The following FHOD3 variants were observed in gnomAD, a reference collection of about 807,000 sequenced individuals.
The protein encoded by FHOD3 is FH1/FH2 domain-containing protein 3.
Under a neutral mutation model 173.0 loss-of-function variants are expected in FHOD3, and 90 were observed. The ratio of observed to expected loss-of-function variants is 0.52; its 90% confidence interval spans 0.44 to 0.62. FHOD3 has a LOEUF of 0.62. FHOD3 is among the 20% of genes least tolerant of loss of function. The pLI is 0.00. For missense variants in FHOD3, 1,945 were observed against 2,034.7 expected (o/e 0.96, Z 0.85); for synonymous variants, 828 against 823.0 (o/e 1.01, Z -0.10).
Position 36,304,997 on chromosome 18 carries a change from G to A in FHOD3, c.165+6997G>A, listed in dbSNP as rs2092053798. On this transcript the variant is annotated intron_variant, in intron 1 of 28. Transcript: ENST00000590592. Reference sequence around the variant, plus strand: ...TCAGTTTACAGTGAATGGCAGTGATGCTTTAATGTACATGAAAATGTAAGT... The same window carrying A: ...TCAGTTTACAGTGAATGGCAGTGATACTTTAATGTACATGAAAATGTAAGT... Among the ~76,000 whole-genome samples, 3 of 152,270 alleles carry A rather than the reference G, an allele frequency of 2.0e-5. No homozygotes were observed. In the South Asian group the frequency reaches 6.2e-4, roughly 32 times the overall value.
intron 2 of FHOD3, among the ~76,000 whole-genome samples, chr18:36,357,378 G>A (rs1054297628): frequency 2.6e-5 from 4 of 152,158 alleles, no homozygotes; most frequent in African/African-American, 9.7e-5. Context: ...GGCACTTAGC[G>A]AATACTAGTG....
Position 36,649,371 on chromosome 18 carries a change from A to G in FHOD3, c.1252A>G (p.Arg418Gly). The G allele has an allele frequency of 1.3e-6, 2 of 1,535,686 alleles. No individual in the cohort carries two copies. Among genetic ancestry groups the G allele is most frequent in the Non-Finnish European group, 1.7e-6 (2 of 1,146,710 alleles). The change falls in exon 11 of 29, where the codon AGA (arginine) becomes GGA (glycine). Residue 418 changes from arginine (R) to glycine (G), a missense_variant. Coordinates refer to ENST00000590592, the MANE Select transcript of FHOD3 (RefSeq NM_001281740.3). ...CACGGAGCCCAGTTCCGAAGAAGAGAGAGAGGATGATGCTTCCTGTCAGGG... is the reference window on the plus strand; with the variant it reads ...CACGGAGCCCAGTTCCGAAGAAGAGGGAGAGGATGATGCTTCCTGTCAGGG... ...PITEPSSEEE[R>G]EDDASCQGKD...
In FHOD3 at chr18:36,471,658, T is replaced by G. The variant is rs73421048; in HGVS notation, c.338-30274T>G. Among the ~76,000 whole-genome samples, 375 of 152,304 alleles carry G rather than the reference T, an allele frequency of 2.5e-3. 2 individuals are homozygous for G. The highest frequency in any genetic ancestry group is 8.7e-3 in the African/African-American group (360 of 41,564). ...GAGGTTTTGGTGTAGGAAATTAGAA[T>G]CACCAGGGCAAAGACAGTAAAAGAG... On this transcript the variant is annotated intron_variant, in intron 3 of 28. Transcript: ENST00000590592.
At chr18:36,306,847 T>A (rs1474875374) in intron 1 of FHOD3, among the ~76,000 whole-genome samples, 1 of 152,168 alleles carries the variant, frequency 6.6e-6, no homozygotes, top group Non-Finnish European at 1.5e-5. Flanking sequence ...TCCCAGCCAT[T>A]TCCTTGCAGA....
rs148512795 is a variant in FHOD3 at position 36,700,919 on chromosome 18, C to T, written c.2236+7496C>T. 5.8e-4 allele frequency among the ~76,000 whole-genome samples: 88 copies of T among 152,356 alleles called. 1 individual carries two copies. Among genetic ancestry groups the T allele is most frequent in the African/African-American group, 1.9e-3 (78 of 41,570 alleles). ...ACTCTTCATCGAGCTGAGGCATCTT[C>T]TCTTCTCTAAAGCCGCCCTTGATCC... On this transcript the variant is annotated intron_variant, in intron 17 of 28. Coordinates refer to ENST00000590592, the MANE Select transcript of FHOD3 (RefSeq NM_001281740.3).
chr18:36,643,167 T>C (rs557216627), intron 10 of FHOD3, among the ~76,000 whole-genome samples: 1 of 152,300 alleles, frequency 6.6e-6, no homozygotes, highest in Admixed American at 6.5e-5. Flanking sequence ...TTTCCAGCTT[T>C]TGACAATTAC....
intron 3 of FHOD3, among the ~76,000 whole-genome samples, chr18:36,486,430 A>G (rs542922871): frequency 8.6e-4 from 131 of 152,290 alleles, no homozygotes; most frequent in Non-Finnish European, 1.6e-3. Flanking sequence ...TAGCACGATT[A>G]TAGCTTACTG....
chr18:36,491,559 C>G lies in FHOD3; in HGVS notation c.338-10373C>G, dbSNP rs969734054. On this transcript the variant is annotated intron_variant, in intron 3 of 28. Coordinates refer to ENST00000590592, the MANE Select transcript of FHOD3 (RefSeq NM_001281740.3). ...ACTGCCCGAACAATCCCCTGTGGAC[C>G]ATTTGTTCATCCTTCCCTCCCTCCT... Among the ~76,000 whole-genome samples, 6 of 152,136 alleles carry G rather than the reference C, an allele frequency of 3.9e-5. No individual in the cohort carries two copies. The East Asian group carries it at 9.6e-4, about 24-fold the overall frequency.
At chr18:36,643,257 C>T (rs2035460949) in intron 10 of FHOD3, among the ~76,000 whole-genome samples, 1 of 152,098 alleles carries the variant, frequency 6.6e-6, no homozygotes. Flanking sequence ...GGTTTCTCAA[C>T]CTCAGCACTG....
At chr18:36,478,541 C>T (rs2053713065) in intron 3 of FHOD3, among the ~76,000 whole-genome samples, 1 of 152,060 alleles carries the variant, frequency 6.6e-6, no homozygotes, top group African/African-American at 2.4e-5. Context: ...ATTAACCATC[C>T]CCACTCCCTC....
intron 21 of FHOD3, 80 bp downstream of exon 21, chr18:36,740,918 G>GC: frequency 1.0e-5 from 14 of 1,349,354 alleles, no homozygotes; most frequent in South Asian, 7.3e-5. Context: ...CAGTACTAAG[G>GC]CAGTGAAATA....
At chr18:36,659,444 C>T (rs17747843) in intron 14 of FHOD3, among the ~76,000 whole-genome samples, 6,839 of 152,274 alleles carry the variant, frequency 0.045, 334 homozygotes, top group East Asian at 0.24. Flanking sequence ...CTGAAGTTAC[C>T]TGTAGTCCTG....
At chr18:36,403,794 C>G (rs1459673431) in intron 3 of FHOD3, among the ~76,000 whole-genome samples, 5 of 152,174 alleles carry the variant, frequency 3.3e-5, no homozygotes, top group African/African-American at 1.2e-4. Flanking sequence ...AGAACTGGTG[C>G]CTGGACCCTG....
chr18:36,633,501 C>G lies in FHOD3; in HGVS notation c.1196+7752C>G, dbSNP rs970939624. On this transcript the variant is annotated intron_variant, in intron 10 of 28. Transcript: ENST00000590592. ...ACTTTGTACTGGCTATTGGACTAAA[C>G]AATTTTACATGTATTGTAAATTCCA... Among the ~76,000 whole-genome samples, 19 of 152,268 alleles carry G rather than the reference C, an allele frequency of 1.2e-4. 1 individual carries two copies. Among genetic ancestry groups the G allele is most frequent in the African/African-American group, 4.3e-4 (18 of 41,556 alleles).
chr18:36,661,187 A>T (rs563771122), intron 14 of FHOD3, among the ~76,000 whole-genome samples: 1 of 152,086 alleles, frequency 6.6e-6, no homozygotes, highest in Non-Finnish European at 1.5e-5. Context: ...TCGCCCAAGA[A>T]TATTACATCA....
At chr18:36,436,503 G>A (rs1055438206) in intron 3 of FHOD3, among the ~76,000 whole-genome samples, 2 of 152,132 alleles carry the variant, frequency 1.3e-5, no homozygotes, top group Non-Finnish European at 2.9e-5. Flanking sequence ...CAGAAAAAAA[G>A]TTATCAGTTT....
chr18:36,376,012 A>C (rs190772143), intron 3 of FHOD3, among the ~76,000 whole-genome samples: 2 of 152,366 alleles, frequency 1.3e-5, no homozygotes, highest in Admixed American at 1.3e-4. Context: ...GATAAGAATT[A>C]AGACGTATGA....
intron 19 of FHOD3, among the ~76,000 whole-genome samples, chr18:36,728,687 C>T (rs2041198086): frequency 6.6e-6 from 1 of 152,020 alleles, no homozygotes; most frequent in African/African-American, 2.4e-5. Context: ...TGGGAGGTTC[C>T]AGGAGGACTT....
intron 3 of FHOD3, among the ~76,000 whole-genome samples, chr18:36,433,204 T>C (rs1238813858): frequency 2.0e-5 from 3 of 152,226 alleles, no homozygotes; most frequent in African/African-American, 7.2e-5. Flanking sequence ...AATGATGATA[T>C]CTCATCACAT....
Sources: allele counts gnomAD v4.1 joint callset (sites outside exome capture counted in the v4.1 genomes callset), GRCh38; gene constraint gnomAD v4.1.1; transcripts MANE v1.5; gene names NCBI Gene and HGNC (gene_info 2026-07-23, HGNC 2026-07-21).